KCNC4: variants seen among roughly 807,000 people sequenced by gnomAD.
The protein encoded by KCNC4 is voltage-gated potassium channel KCNC4.
KCNC4 carries 23 observed loss-of-function variants against 42.8 expected under a neutral mutation model. The observed-to-expected ratio is 0.54, with a 90% confidence interval of 0.39 to 0.76. The LOEUF is 0.76. Ranked by LOEUF, KCNC4 falls within the 30% of genes least tolerant of loss-of-function variation. The probability of loss-of-function intolerance (pLI) is 0.00; values close to 1 mark genes in which losing one functional copy is unlikely to be tolerated. For missense variants in KCNC4, 751 were observed against 898.2 expected, an observed-to-expected ratio of 0.84 and a Z score of 2.10; for synonymous variants, 422 against 393.5, an observed-to-expected ratio of 1.07 and a Z score of -0.86.
In KCNC4 at chr1:110,223,141, G is replaced by T; in HGVS notation, c.856G>T (p.Gly286Cys). Residue 286 changes from glycine (G) to cysteine (C), a missense_variant, in exon 2 of 4, where the codon GGC becomes TGC. By Grantham distance (159) the Gly-to-Cys change is radical. Coordinates refer to ENST00000438661, the MANE Select transcript of KCNC4 (RefSeq NM_001039574.3). The surrounding 1 kb of genome is among the most constrained non-coding windows in gnomAD (Gnocchi z 7.5). ...AGAGCCCATCCTGACCTACATCGAG[G>T]GCGTATGTGTGCTGTGGTTCACACT... ...ETEPILTYIE[G>C]VCVLWFTLEF... 6.2e-7 allele frequency: 1 copy of T among 1,614,180 alleles called. No individual in the cohort carries two copies. The highest frequency in any genetic ancestry group is 8.5e-7 in the Non-Finnish European group (1 of 1,180,026).
downstream of KCNC4, chr1:110,236,003 A>G (rs1004056420): frequency 1.3e-5 from 2 of 152,194 alleles, no homozygotes; most frequent in African/African-American, 2.4e-5. Flanking sequence ...CCTCGCGCAC[A>G]GTGCCTAGCA....
At chr1:110,274,947 G>T (rs1659692311) in intron 1 of KCNC4, among the ~76,000 whole-genome samples, 1 of 152,186 alleles carries the variant, frequency 6.6e-6, no homozygotes, top group African/African-American at 2.4e-5. Context: ...CTGGACATTG[G>T]TCTAGGCGAA....
At chr1:110,226,766 G>A (rs1040168386) in intron 3 of KCNC4, among the ~76,000 whole-genome samples, 2 of 152,242 alleles carry the variant, frequency 1.3e-5, no homozygotes, top group African/African-American at 4.8e-5. Context: ...AGGTGGGCAG[G>A]AAGAGTGGGT....
At chr1:110,255,141 C>G (rs1025142988) in intron 1 of KCNC4, among the ~76,000 whole-genome samples, 30 of 152,180 alleles carry the variant, frequency 2.0e-4, no homozygotes, top group African/African-American at 7.2e-4. Context: ...CCCTGTAATC[C>G]CAGTGCCTGG....
Position 110,223,723 on chromosome 1 carries a change from T to A in KCNC4, c.1438T>A (p.Ser480Thr). 6.2e-7 allele frequency: 1 copy of A among 1,614,060 alleles called. No homozygotes were observed. Among genetic ancestry groups the A allele is most frequent in the South Asian group, 1.1e-5 (1 of 91,076 alleles). Residue 480 changes from serine to threonine, a missense_variant, in exon 2 of 4, where the codon TCC (serine) becomes ACC (threonine). This residue lies in a region of KCNC4 where 185 missense variants were observed against 293.7 expected (regional missense o/e 0.63). Transcript: ENST00000438661. The surrounding 1 kb of genome is among the most constrained non-coding windows in gnomAD (Gnocchi z 7.5). ...CGTCAACAACTTCGGCATGTACTAC[T>A]CCCTGGCCATGGCCAAGCAGAAGCT... ...VIVNNFGMYY[S>T]LAMAKQKLPK...
chr1:110,216,675 C>T (rs1315789684), intron 1 of KCNC4, among the ~76,000 whole-genome samples: 4 of 152,150 alleles, frequency 2.6e-5, no homozygotes, highest in Non-Finnish European at 5.9e-5. Flanking sequence ...ACCCTGGGCC[C>T]TTCACCCCCA....
rs771226795 is a variant in KCNC4 at position 110,223,405 on chromosome 1, C to T, written c.1120C>T (p.Leu374=). 1.2e-5 allele frequency: 19 copies of T among 1,613,862 alleles called. No homozygotes were observed. The highest frequency in any genetic ancestry group is 1.5e-5 in the Non-Finnish European group (18 of 1,180,024). The change falls in exon 2 of 4, where the codon CTG becomes TTG. Residue 374 remains leucine, a synonymous_variant. Transcript: ENST00000438661. The surrounding 1 kb of genome is among the most constrained non-coding windows in gnomAD (Gnocchi z 7.5). ...GGGGCTACGCGTGCTGGGCCACACC[C>T]TGAGGGCCAGCACCAATGAGTTCCT... is the stretch of plus-strand genomic sequence containing the variant. ...FVGLRVLGHT[L]RASTNEFLLL... is the part of the protein sequence containing the mutation.
chr1:110,225,836 C>T, intron 2 of KCNC4, 139 bp from the exon 3 acceptor site: 1 of 782,628 alleles, frequency 1.3e-6, no homozygotes, highest in Non-Finnish European at 2.0e-6. Context: ...CCGGCTCTGG[C>T]AATGCTGCCT....
chr1:110,227,124 C>CAGTTA (rs2101027671), intron 3 of KCNC4, among the ~76,000 whole-genome samples: 1 of 152,316 alleles, frequency 6.6e-6, no homozygotes, highest in East Asian at 1.9e-4. Flanking sequence ...AGCTCTTCCC[C>CAGTTA]AGGTTCTCTG....
rs555782805 is a variant in KCNC4, at chr1:110,216,014, A to G, written c.678+3837A>G. 4.0e-3 allele frequency among the ~76,000 whole-genome samples: 607 copies of G among 152,190 alleles called. 6 individuals carry two copies. The highest frequency in any genetic ancestry group is 0.014 in the African/African-American group (571 of 41,526). On this transcript the variant is annotated intron_variant, in intron 1 of 3. Transcript: ENST00000438661. ...CACTCCCCAGAATTGGTCAAGGATA[A>G]CCTCTCTTCTCACTGTGGGATTTCC...
At chr1:110,279,131 C>T (rs1659778370) in intron 1 of KCNC4, among the ~76,000 whole-genome samples, 1 of 152,158 alleles carries the variant, frequency 6.6e-6, no homozygotes, top group South Asian at 2.1e-4. Context: ...ATGTGCATAT[C>T]AGTGGAACAT....
At chr1:110,269,960 C>T (rs1659610065) in intron 1 of KCNC4, among the ~76,000 whole-genome samples, 1 of 152,182 alleles carries the variant, frequency 6.6e-6, no homozygotes, top group Non-Finnish European at 1.5e-5. Flanking sequence ...TCCTAGAAGG[C>T]AGGAAATGGG....
chr1:110,238,080 A>G (rs1204119977), downstream of KCNC4: 1 of 152,240 alleles, frequency 6.6e-6, no homozygotes, highest in African/African-American at 2.4e-5. Flanking sequence ...ACCCAGCTTT[A>G]GGGGGTGAGG....
chr1:110,251,427 T>C (rs1659250016), downstream of KCNC4, among the ~76,000 whole-genome samples: 1 of 152,196 alleles, frequency 6.6e-6, no homozygotes, highest in South Asian at 2.1e-4. Context: ...CTCTCTTGCC[T>C]GCCGCCATGT....
At position 110,211,511 on chromosome 1, in the gene KCNC4, G is replaced by T. The variant is rs980943199; in HGVS notation, c.12G>T (p.Ser4=). 3 of 1,613,676 alleles carry T rather than the reference G, an allele frequency of 1.9e-6. No individual in the cohort carries two copies. Among genetic ancestry groups the T allele is most frequent in the Non-Finnish European group, 2.5e-6 (3 of 1,179,836 alleles). The change falls in exon 1 of 4, where the codon TCG becomes TCT. Residue 4 remains serine (S), a synonymous_variant. Coordinates refer to ENST00000438661, the MANE Select transcript of KCNC4 (RefSeq NM_001039574.3). The surrounding 1 kb of genome is among the most constrained non-coding windows in gnomAD (Gnocchi z 6.5). ...CCGCAGCGCTTCTTATGATCAGCTC[G>T]GTGTGTGTCTCCTCCTACCGCGGGC... is the stretch of plus-strand genomic sequence containing the variant. MIS[S]VCVSSYRGRK...
chr1:110,241,783 C>T (rs1659039408), exon 4 of KCNC4: 1 of 152,228 alleles, frequency 6.6e-6, no homozygotes, highest in Non-Finnish European at 1.5e-5. Context: ...GGTAGAATTC[C>T]TCTGTCCTTT....
In KCNC4 at chr1:110,227,880, G is replaced by A. The variant is rs982228600; in HGVS notation, c.1819+1702G>A. Among the ~76,000 whole-genome samples the A allele has an allele frequency of 3.9e-5, 6 of 152,158 alleles. No homozygotes were observed. In the East Asian group the frequency reaches 7.7e-4, roughly 20 times the overall value. The stretch of plus-strand genomic sequence containing the variant: ...GAAGGAGTTTCACCGGCACGTGCAC[G>A]GGGCAGGAGAGCCAGCATCTCACCA... On this transcript the variant is annotated intron_variant, in intron 3 of 3. Coordinates refer to ENST00000438661, the MANE Select transcript of KCNC4 (RefSeq NM_001039574.3).
chr1:110,222,173 C>T (rs1658136155), intron 1 of KCNC4: 2 of 152,236 alleles, frequency 1.3e-5, no homozygotes, highest in African/African-American at 4.8e-5. Flanking sequence ...TGCATGTTGT[C>T]TGCCTTTAGG....
chr1:110,257,167 G>A (rs553400602), intron 1 of KCNC4, among the ~76,000 whole-genome samples: 6 of 152,276 alleles, frequency 3.9e-5, no homozygotes, highest in African/African-American at 1.4e-4. Flanking sequence ...TATGGGTTGG[G>A]AGCATAATAA....
Sources: allele counts gnomAD v4.1 joint callset (sites outside exome capture counted in the v4.1 genomes callset), GRCh38; gene constraint gnomAD v4.1.1; regional missense constraint gnomAD v4.1.1; non-coding constraint Gnocchi (gnomAD v3.1); transcripts MANE v1.5; gene names NCBI Gene and HGNC (gene_info 2026-07-23, HGNC 2026-07-21).